PDE10A: variants seen among roughly 807,000 people sequenced by gnomAD.
PDE10A encodes phosphodiesterase 10A, also known as cAMP and cAMP-inhibited cGMP 3',5'-cyclic phosphodiesterase 10A.
In PDE10A, 39 loss-of-function variants were observed where a neutral mutation model predicts 97.7. The ratio of observed to expected loss-of-function variants is 0.40; its 90% CI spans 0.31 to 0.52. The LOEUF is 0.52. Among genes scored for constraint, PDE10A ranks in the 20% least tolerant of loss-of-function variants. PDE10A has a pLI of 0.56. For missense variants in PDE10A, 731 were observed against 1,047.8 expected (o/e 0.70, Z 4.17); for synonymous variants, 371 against 376.8 (o/e 0.98, Z 0.18).
chr6:165,682,700 A>C (rs1413959475), intron 1 of PDE10A, among the ~76,000 whole-genome samples: 3 of 152,190 alleles, frequency 2.0e-5, no homozygotes, highest in South Asian at 4.1e-4. Flanking sequence ...ACCGTGAAAA[A>C]TGAATGTCTG....
intron 3 of PDE10A, among the ~76,000 whole-genome samples, chr6:165,454,464 G>A (rs191358947): frequency 6.6e-6 from 1 of 152,340 alleles, no homozygotes; most frequent in East Asian, 1.9e-4. Flanking sequence ...GGGACCTTAA[G>A]AGATGATTAG....
intron 13 of PDE10A, among the ~76,000 whole-genome samples, chr6:165,405,969 T>C (rs1449440440): frequency 6.6e-6 from 1 of 152,184 alleles, no homozygotes; most frequent in Admixed American, 6.5e-5. Flanking sequence ...CATTAATTCT[T>C]AATCTGTACC....
intron 1 of PDE10A, among the ~76,000 whole-genome samples, chr6:165,936,658 G>A (rs563526352): frequency 3.2e-4 from 49 of 152,298 alleles, no homozygotes; most frequent in African/African-American, 1.1e-3. Context: ...CCTGTGAAAC[G>A]AAAGGAGAGA....
chr6:165,923,568 T>C (rs1782822337), intron 1 of PDE10A, among the ~76,000 whole-genome samples: 1 of 152,134 alleles, frequency 6.6e-6, no homozygotes, highest in African/African-American at 2.4e-5. Flanking sequence ...CTGGCTGTGG[T>C]TGGGAGGTGA....
At chr6:165,652,569 T>C (rs894447174) in intron 1 of PDE10A, among the ~76,000 whole-genome samples, 2 of 152,200 alleles carry the variant, frequency 1.3e-5, no homozygotes, top group Non-Finnish European at 2.9e-5. Flanking sequence ...TTACATCCTA[T>C]ACAATAACTA....
intron 2 of PDE10A, among the ~76,000 whole-genome samples, chr6:165,489,423 C>G (rs1780099752): frequency 6.6e-6 from 1 of 152,136 alleles, no homozygotes; most frequent in Admixed American, 6.5e-5. Context: ...AGGGAGCACC[C>G]CATGGGATAA....
intron 1 of PDE10A, among the ~76,000 whole-genome samples, chr6:165,734,775 A>G (rs921155810): frequency 6.6e-6 from 1 of 152,192 alleles, no homozygotes; most frequent in African/African-American, 2.4e-5. Flanking sequence ...CCAGAAGGAG[A>G]AAATAAGGAG....
intron 1 of PDE10A, among the ~76,000 whole-genome samples, chr6:165,590,652 G>A (rs989903389): frequency 4.6e-5 from 7 of 152,180 alleles, no homozygotes; most frequent in East Asian, 3.8e-4. Context: ...AGCCGTTTGC[G>A]AGGCCGAGGC....
intron 13 of PDE10A, among the ~76,000 whole-genome samples, chr6:165,402,864 A>G (rs570644240): frequency 4.6e-5 from 7 of 152,184 alleles, no homozygotes; most frequent in African/African-American, 1.7e-4. Flanking sequence ...TTACACAATA[A>G]CCCTCATTAC....
In PDE10A at chr6:165,409,888, G is replaced by GTTTTT. The variant is rs58019647; in HGVS notation, c.2076+3608_2076+3612dup. ...GAATGCCTATTAAAACTTTTCAGAA[G>GTTTTT]TTTTTTTTTTTTTTTTCTGTGTGGT... On this transcript the variant is annotated intron_variant, in intron 13 of 21. Coordinates refer to ENST00000539869, the MANE Select transcript of PDE10A (RefSeq NM_001385079.1). Among the ~76,000 whole-genome samples, 80 of 140,486 alleles carry GTTTTT rather than the reference G, an allele frequency of 5.7e-4. 5 individuals are homozygous for GTTTTT. The highest frequency in any genetic ancestry group is 7.5e-4 in the Non-Finnish European group (49 of 65,514). The allele number at this position is 140,486 out of a possible 152,430, so 92.2% of individuals were successfully genotyped here. A position where few individuals can be genotyped will look rare whatever the true frequency, so the allele number is the denominator to read the frequency against.
chr6:165,524,785 C>T (rs1782332196), intron 2 of PDE10A, among the ~76,000 whole-genome samples: 1 of 152,164 alleles, frequency 6.6e-6, no homozygotes, highest in Admixed American at 6.5e-5. Context: ...CAGGTGTCTG[C>T]TGTTAAAGTG....
chr6:165,787,154 T>G (rs1007611094), intron 1 of PDE10A, among the ~76,000 whole-genome samples: 2 of 152,054 alleles, frequency 1.3e-5, no homozygotes, highest in Non-Finnish European at 2.9e-5. Flanking sequence ...TTTAATAAAT[T>G]CCCCAAGTAG....
At chr6:165,936,576 G>A (rs976233195) in intron 1 of PDE10A, among the ~76,000 whole-genome samples, 2 of 152,204 alleles carry the variant, frequency 1.3e-5, no homozygotes, top group Non-Finnish European at 2.9e-5. Flanking sequence ...CTATTGTGTG[G>A]TGAGGGGAGC....
chr6:165,937,411 C>T (rs979460270), intron 1 of PDE10A, among the ~76,000 whole-genome samples: 14 of 152,146 alleles, frequency 9.2e-5, no homozygotes, highest in Admixed American at 2.0e-4. Flanking sequence ...GTGAGATTTT[C>T]GCATTCTCTT....
intron 2 of PDE10A, among the ~76,000 whole-genome samples, chr6:165,511,549 A>T (rs1045412314): frequency 6.6e-6 from 1 of 151,978 alleles, no homozygotes; most frequent in African/African-American, 2.4e-5. Flanking sequence ...ACACCAGTTT[A>T]AACACAATGT....
Position 165,766,312 on chromosome 6 carries a change from C to T in PDE10A, c.-615+221217G>A, listed in dbSNP as rs11758565. On this transcript the variant is annotated intron_variant, in intron 1 of 19. Transcript: ENST00000366882. ...GTTTAGGCTAGAAAGAGGAAGCTTTCGATCACAAAAGATTCAGCCTTTTAT... is the reference window on the plus strand; with the variant it reads ...GTTTAGGCTAGAAAGAGGAAGCTTTTGATCACAAAAGATTCAGCCTTTTAT... 8.5e-5 allele frequency among the ~76,000 whole-genome samples: 13 copies of T among 152,318 alleles called. No individual in the cohort carries two copies. In the East Asian group the frequency reaches 2.5e-3, roughly 29 times the overall value.
At chr6:165,337,742 A>G (rs1781734716) in intron 20 of PDE10A, among the ~76,000 whole-genome samples, 1 of 152,246 alleles carries the variant, frequency 6.6e-6, no homozygotes, top group African/African-American at 2.4e-5. Flanking sequence ...TATCTTAGTT[A>G]AAAACACTAG....
chr6:165,586,312 T>C (rs942703490), intron 1 of PDE10A, among the ~76,000 whole-genome samples: 5 of 152,228 alleles, frequency 3.3e-5, no homozygotes, highest in African/African-American at 1.2e-4. Flanking sequence ...AGAGAAAGAA[T>C]GAGATAGTAC....
chr6:165,984,220 G>C (rs1293235197), intron 1 of PDE10A, among the ~76,000 whole-genome samples: 1 of 152,188 alleles, frequency 6.6e-6, no homozygotes, highest in Non-Finnish European at 1.5e-5. Context: ...GAGTACTATG[G>C]ATATAGGTAC....
Sources: allele counts gnomAD v4.1 joint callset (sites outside exome capture counted in the v4.1 genomes callset), GRCh38; gene constraint gnomAD v4.1.1; transcripts MANE v1.5; gene names NCBI Gene and HGNC (gene_info 2026-07-23, HGNC 2026-07-21).